The following TRIOBP variants were observed in gnomAD, a reference collection of about 807,000 sequenced individuals.
The protein encoded by TRIOBP is TRIO and F-actin-binding protein.
TRIOBP carries 169 observed loss-of-function variants against 238.8 expected under a neutral mutation model. That is an observed-to-expected ratio of 0.71 (90% CI 0.62 to 0.80). The LOEUF (loss-of-function observed/expected upper bound fraction) is 0.80, where lower values mean the gene tolerates loss of function less well. Among genes scored for constraint, TRIOBP ranks in the 30% least tolerant of loss-of-function variants. The pLI, the probability that TRIOBP is intolerant of heterozygous loss-of-function variation, is 0.00. For synonymous variants in TRIOBP, 1,150 were observed against 1,274.4 expected (o/e 0.90, Z 2.08); for missense variants, 2,838 against 3,122.6 (o/e 0.91, Z 2.17).
intron 4 of TRIOBP, among the ~76,000 whole-genome samples, chr22:37,711,243 T>C (rs750434254): frequency 4.6e-5 from 7 of 152,152 alleles, no homozygotes; most frequent in Non-Finnish European, 8.8e-5. Flanking sequence ...CTGGGATCAT[T>C]CATGTGCTCC....
At chr22:37,738,425 A>C (rs1325666555) in intron 9 of TRIOBP, among the ~76,000 whole-genome samples, 1 of 152,076 alleles carries the variant, frequency 6.6e-6, no homozygotes, top group Admixed American at 6.6e-5. Context: ...AATGGAGGGT[A>C]GATACATGAA....
rs112761789 is a variant in TRIOBP, at chr22:37,749,072, C to T, written c.5323-2700C>T. Among the ~76,000 whole-genome samples the T allele has an allele frequency of 6.8e-3, 1,036 of 152,010 alleles. 12 individuals carry two copies. Among genetic ancestry groups the T allele is most frequent in the African/African-American group, 0.023 (966 of 41,460 alleles). ...CTTTGTTTTAAAGCCACCTGGAGAC[C>T]GGGTGTAGTGGCTTATGTGTGCCTG... is the stretch of plus-strand genomic sequence containing the variant. On this transcript the variant is annotated intron_variant, in intron 11 of 23. Transcript: ENST00000644935.
chr22:37,703,666 A>C (rs1922778639), intron 3 of TRIOBP, among the ~76,000 whole-genome samples: 1 of 151,792 alleles, frequency 6.6e-6, no homozygotes. Flanking sequence ...CACCACGCCC[A>C]GCTAATTTTT....
chr22:37,741,067 G>A, intron 11 of TRIOBP, 35 bp downstream of exon 11: 7 of 1,553,460 alleles, frequency 4.5e-6, no homozygotes, highest in Non-Finnish European at 6.1e-6. Flanking sequence ...GAGGGGTGAG[G>A]GTGGATAGAG....
At chr22:37,751,156 G>A (rs569197851) in intron 11 of TRIOBP, 2 of 426,438 alleles carry the variant, frequency 4.7e-6, no homozygotes, top group East Asian at 1.4e-4. Flanking sequence ...GCAGCTGGTA[G>A]CCCCCAGACC....
intron 17 of TRIOBP, among the ~76,000 whole-genome samples, chr22:37,763,877 T>C (rs1423467211): frequency 1.3e-5 from 2 of 152,236 alleles, no homozygotes; most frequent in African/African-American, 4.8e-5. Context: ...TGGGCAGGAC[T>C]GTGTTCCTCT....
intron 3 of TRIOBP, among the ~76,000 whole-genome samples, chr22:37,705,820 C>T (rs762426194): frequency 3.3e-5 from 5 of 152,146 alleles, no homozygotes; most frequent in Non-Finnish European, 7.3e-5. Context: ...AAGCAATCTG[C>T]CCTCCTTGGC....
At chr22:37,756,134 G>A (rs892683808) in intron 15 of TRIOBP, among the ~76,000 whole-genome samples, 2 of 152,204 alleles carry the variant, frequency 1.3e-5, no homozygotes, top group African/African-American at 2.4e-5. Context: ...CTGGGACTTG[G>A]AGCTGCTGGG....
chr22:37,726,560 C>A, intron 7 of TRIOBP, 57 bp downstream of exon 7: 1 of 1,415,396 alleles, frequency 7.1e-7, no homozygotes, highest in South Asian at 1.5e-5. Flanking sequence ...GGCAGCAGGA[C>A]AGGTGAAGGG....
intron 6 of TRIOBP, among the ~76,000 whole-genome samples, chr22:37,721,451 G>T (rs1923825133): frequency 6.6e-6 from 1 of 152,156 alleles, no homozygotes. Flanking sequence ...GAGGGGATCT[G>T]CATGAAGGCA....
intron 3 of TRIOBP, among the ~76,000 whole-genome samples, chr22:37,707,635 T>C (rs1403721210): frequency 6.6e-6 from 1 of 151,624 alleles, no homozygotes; most frequent in Non-Finnish European, 1.5e-5. Context: ...AGTCAAAAAA[T>C]CTGTATGTTT....
At chr22:37,763,486 G>A (rs1021680921) in intron 17 of TRIOBP, among the ~76,000 whole-genome samples, 5 of 152,190 alleles carry the variant, frequency 3.3e-5, no homozygotes, top group African/African-American at 1.2e-4. Context: ...CCCAGGTGTG[G>A]CTGCTGGAGA....
At chr22:37,735,547 C>T in intron 9 of TRIOBP, 105 bp downstream of exon 9, 2 of 1,354,546 alleles carry the variant, frequency 1.5e-6, no homozygotes, top group Non-Finnish European at 2.0e-6. Flanking sequence ...TCCTGCATCC[C>T]CCTCCAGGCT....
In TRIOBP at chr22:37,769,286, G is replaced by A. The variant is rs775055499; in HGVS notation, c.6760G>A (p.Glu2254Lys). ...NQELHGRLSEEIDQLRGFIAS... is the reference protein window; with the variant it reads ...NQELHGRLSEKIDQLRGFIAS... ...GGAGCTGCATGGCCGCCTGTCAGAG[G>A]AGATAGACCAGCTGCGCGGCTTCAT... Residue 2254 changes from glutamate to lysine, a missense_variant, in exon 21 of 24, where the codon GAG becomes AAG. Physicochemically the swap from Glu to Lys is moderately conservative, Grantham distance 56 (BLOSUM62 1). Around this residue, in one of 5 missense-constraint regions of TRIOBP, gnomAD observed 2,096 missense variants for 2,137.4 expected, o/e 0.98. Coordinates refer to ENST00000644935, the MANE Select transcript of TRIOBP (RefSeq NM_001039141.3). 6.2e-7 allele frequency: 1 copy of A among 1,612,034 alleles called. No homozygotes were observed.
In TRIOBP at chr22:37,723,484, T is replaced by C. The variant is rs867607909; in HGVS notation, c.928T>C (p.Ser310Pro). ...SRASSTQQET[S>P]RASSTQEDTP... ...GGCCTCATCCACCCAACAGGAAACC[T>C]CCAGGGCCTCATCCACCCAAGAGGA... The change falls in exon 7 of 24, where the codon TCC (serine) becomes CCC (proline). Residue 310 changes from serine (S) to proline (P), a missense_variant. Coordinates refer to ENST00000644935, the MANE Select transcript of TRIOBP (RefSeq NM_001039141.3). 2 of 1,607,914 alleles carry C rather than the reference T, an allele frequency of 1.2e-6. No individual in the cohort carries two copies. Among genetic ancestry groups the C allele is most frequent in the Non-Finnish European group, 1.7e-6 (2 of 1,178,404 alleles).
At position 37,759,267 on chromosome 22, in the gene TRIOBP, A is replaced by G. The variant is rs749415241; in HGVS notation, c.6324+3A>G. Reference sequence around the variant, plus strand: ...TCCCCCCGGGCTACATCTCACAGGTAAGGCCGGGGGGCTGTTTTTCAGGGG... The same window carrying G: ...TCCCCCCGGGCTACATCTCACAGGTGAGGCCGGGGGGCTGTTTTTCAGGGG... On this transcript the variant is annotated splice_donor_region_variant and intron_variant, in intron 17 of 23. Transcript: ENST00000644935. 6.8e-6 allele frequency: 11 copies of G among 1,611,642 alleles called. No individual in the cohort carries two copies. The South Asian group carries it at 1.1e-4, about 16-fold the overall frequency.
chr22:37,773,372 C>T (rs547211895), intron 23 of TRIOBP, among the ~76,000 whole-genome samples: 20 of 152,250 alleles, frequency 1.3e-4, no homozygotes, highest in African/African-American at 4.8e-4. Flanking sequence ...GCCCTCACCA[C>T]CATGCCCAGA....
At chr22:37,755,749 CTT>C in intron 15 of TRIOBP, 90 bp downstream of exon 15, 1 of 1,043,972 alleles carries the variant, frequency 9.6e-7, no homozygotes, top group Non-Finnish European at 1.5e-6. Context: ...AGGGCTGCAC[CTT>C]TCTGGGCCCT....
intron 9 of TRIOBP, among the ~76,000 whole-genome samples, chr22:37,736,400 A>G (rs1924674569): frequency 6.6e-6 from 1 of 152,080 alleles, no homozygotes; most frequent in South Asian, 2.1e-4. Context: ...TGCAAAGTCC[A>G]ACGCCACCTG....
Sources: gnomAD v4.1 joint callset for allele counts (sites outside exome capture counted in the v4.1 genomes callset) on GRCh38, gnomAD v4.1.1 for gene constraint, gnomAD v4.1.1 regional missense constraint, MANE v1.5 for transcripts, NCBI Gene and HGNC (gene_info 2026-07-23, HGNC 2026-07-21) for gene names.